Variants in CORIN observed in about 807,000 individuals in gnomAD.
The protein encoded by CORIN is corin, serine peptidase, also known as atrial natriuretic peptide-converting enzyme.
In CORIN, 117 loss-of-function variants were observed where a neutral mutation model predicts 125.3. That is an observed-to-expected ratio of 0.93 (90% CI 0.80 to 1.09). CORIN has a LOEUF of 1.09. CORIN is among the 50% of genes least tolerant of loss of function. The pLI, the probability that CORIN is intolerant of heterozygous loss-of-function variation, is 0.00. For missense variants in CORIN, 1,253 were observed against 1,306.7 expected (o/e 0.96, Z 0.63); for synonymous variants, 450 against 466.4 (o/e 0.96, Z 0.45).
chr4:47,618,381 G>A (rs1722157775), intron 19 of CORIN, among the ~76,000 whole-genome samples: 1 of 151,634 alleles, frequency 6.6e-6, no homozygotes, highest in Non-Finnish European at 1.5e-5. Context: ...GGAAAGGAAG[G>A]GAAAGGAAAG....
At chr4:47,825,429 A>C (rs908136368) in intron 1 of CORIN, among the ~76,000 whole-genome samples, 8 of 152,172 alleles carry the variant, frequency 5.3e-5, no homozygotes, top group Admixed American at 2.0e-4. Context: ...CAGACCTGTT[A>C]AATTAGAAAC....
At chr4:47,825,854 C>T (rs147582986) in intron 1 of CORIN, among the ~76,000 whole-genome samples, 1,812 of 152,068 alleles carry the variant, frequency 0.012, 16 homozygotes, top group Non-Finnish European at 0.018. Flanking sequence ...CAGGTGCCCA[C>T]CACCATGTCT....
intron 13 of CORIN, among the ~76,000 whole-genome samples, chr4:47,652,332 G>C (rs1427437378): frequency 6.6e-6 from 1 of 152,168 alleles, no homozygotes; most frequent in Non-Finnish European, 1.5e-5. Flanking sequence ...TTTTTGTCTA[G>C]ATCAGAAGGG....
At chr4:47,664,546 G>A (rs1267868589) in intron 11 of CORIN, among the ~76,000 whole-genome samples, 1 of 152,068 alleles carries the variant, frequency 6.6e-6, no homozygotes, top group Non-Finnish European at 1.5e-5. Flanking sequence ...TCTTGAAATA[G>A]CGCATCTTAT....
intron 4 of CORIN, among the ~76,000 whole-genome samples, chr4:47,759,208 A>G (rs1729335224): frequency 6.6e-6 from 1 of 152,202 alleles, no homozygotes; most frequent in South Asian, 2.1e-4. Flanking sequence ...ATCGCATAGG[A>G]TATGCAAAAA....
chr4:47,773,515 C>T (rs897591323), intron 3 of CORIN, among the ~76,000 whole-genome samples: 2 of 152,146 alleles, frequency 1.3e-5, no homozygotes, highest in African/African-American at 4.8e-5. Context: ...TTGTAAAAGG[C>T]TCATTTAAAT....
chr4:47,731,429 A>C (rs747577919), intron 5 of CORIN, among the ~76,000 whole-genome samples: 1 of 152,170 alleles, frequency 6.6e-6, no homozygotes, highest in Non-Finnish European at 1.5e-5. Flanking sequence ...CACCAAAAGG[A>C]GAGAGATCCA....
intron 16 of CORIN, among the ~76,000 whole-genome samples, chr4:47,626,963 T>C (rs1350129199): frequency 6.6e-6 from 1 of 150,442 alleles, no homozygotes. Context: ...AATATTTCTA[T>C]GTTTGTAGGT....
chr4:47,637,529 G>A (rs1723073901), intron 16 of CORIN, among the ~76,000 whole-genome samples: 1 of 152,210 alleles, frequency 6.6e-6, no homozygotes. Context: ...GGGACTTGGT[G>A]CCCTGTGTCC....
chr4:47,604,672 C>A (rs1479391777), intron 19 of CORIN, among the ~76,000 whole-genome samples: 4 of 152,146 alleles, frequency 2.6e-5, no homozygotes, highest in African/African-American at 9.7e-5. Context: ...TCAAATATAT[C>A]CCACATCTTA....
chr4:47,774,737 C>T (rs1730214673), intron 3 of CORIN, among the ~76,000 whole-genome samples: 2 of 152,190 alleles, frequency 1.3e-5, no homozygotes, highest in Non-Finnish European at 2.9e-5. Flanking sequence ...ATTGACAAGT[C>T]TTGCAGTGGC....
At chr4:47,700,164 G>A (rs1726221212) in intron 5 of CORIN, among the ~76,000 whole-genome samples, 1 of 152,162 alleles carries the variant, frequency 6.6e-6, no homozygotes, top group Non-Finnish European at 1.5e-5. Context: ...CTGTTCAGTT[G>A]AACACTTAGT....
At chr4:47,688,033 T>C (rs1188482157) in intron 6 of CORIN, among the ~76,000 whole-genome samples, 1 of 152,134 alleles carries the variant, frequency 6.6e-6, no homozygotes, top group African/African-American at 2.4e-5. Flanking sequence ...AGCACCTCCC[T>C]CCACTCTCAC....
intron 4 of CORIN, among the ~76,000 whole-genome samples, chr4:47,761,951 C>T (rs1042617175): frequency 2.6e-5 from 4 of 151,734 alleles, no homozygotes; most frequent in Admixed American, 6.6e-5. Context: ...GACAATATAG[C>T]GACACCCCAT....
intron 5 of CORIN, among the ~76,000 whole-genome samples, chr4:47,731,823 T>G (rs1271130685): frequency 6.6e-6 from 1 of 150,732 alleles, no homozygotes; most frequent in African/African-American, 2.4e-5. Flanking sequence ...GAGCCAAGAT[T>G]GCACCACTGC....
intron 4 of CORIN, among the ~76,000 whole-genome samples, chr4:47,762,377 T>C (rs1433762522): frequency 6.6e-6 from 1 of 152,232 alleles, no homozygotes; most frequent in Non-Finnish European, 1.5e-5. Flanking sequence ...TCTAAAACTT[T>C]GTAACATTTT....
At chr4:47,811,810 T>C (rs1027190521) in intron 1 of CORIN, among the ~76,000 whole-genome samples, 1 of 152,186 alleles carries the variant, frequency 6.6e-6, no homozygotes, top group African/African-American at 2.4e-5. Context: ...GATACAGCCA[T>C]GTTCATTTGT....
chr4:47,786,070 C>A (rs1460901277), intron 3 of CORIN, among the ~76,000 whole-genome samples: 2 of 152,110 alleles, frequency 1.3e-5, no homozygotes, highest in African/African-American at 4.8e-5. Flanking sequence ...TCAAAAACTT[C>A]AAAGCTGAAG....
intron 10 of CORIN, among the ~76,000 whole-genome samples, chr4:47,665,742 A>G (rs1560496123): frequency 2.0e-5 from 3 of 152,188 alleles, no homozygotes. Context: ...ATATAAGGCT[A>G]CAAGATTTCA....
Sources: allele counts gnomAD v4.1 joint callset (sites outside exome capture counted in the v4.1 genomes callset), GRCh38; gene constraint gnomAD v4.1.1; transcripts MANE v1.5; gene names NCBI Gene and HGNC (gene_info 2026-07-23, HGNC 2026-07-21).